Variants in DCC observed in about 807,000 individuals in gnomAD.
DCC encodes the protein DCC netrin 1 receptor, also known as netrin receptor DCC.
A neutral mutation model predicts 172.5 loss-of-function variants in DCC; 58 were observed. The observed-to-expected ratio is 0.34, with a 90% CI of 0.27 to 0.42. The LOEUF is 0.42. Among genes scored for constraint, DCC ranks in the 10% least tolerant of loss-of-function variants. The probability of loss-of-function intolerance (pLI) is 1.00; values close to 1 mark genes in which losing one functional copy is unlikely to be tolerated. For synonymous variants in DCC, 709 were observed against 644.5 expected (o/e 1.10, Z -1.52); for missense variants, 1,740 against 1,791.0 (o/e 0.97, Z 0.51).
intron 1 of DCC, among the ~76,000 whole-genome samples, chr18:52,591,359 A>G (rs1598938160): frequency 6.6e-6 from 1 of 152,304 alleles, no homozygotes; most frequent in East Asian, 1.9e-4. Flanking sequence ...AAATTAAACA[A>G]TGTCATTTTG....
At chr18:52,552,786 T>C (rs1248528193) in intron 1 of DCC, among the ~76,000 whole-genome samples, 1 of 152,052 alleles carries the variant, frequency 6.6e-6, no homozygotes, top group South Asian at 2.1e-4. Flanking sequence ...ATAATTCTAA[T>C]TGACATGTGT....
At chr18:52,393,900 G>T (rs1986120910) in intron 1 of DCC, among the ~76,000 whole-genome samples, 2 of 151,988 alleles carry the variant, frequency 1.3e-5, no homozygotes, top group Admixed American at 6.6e-5. Flanking sequence ...TTCAGATTCA[G>T]GTTCCATGAT....
At chr18:52,834,131 C>G (rs146685239) in intron 2 of DCC, among the ~76,000 whole-genome samples, 1 of 152,234 alleles carries the variant, frequency 6.6e-6, no homozygotes, top group African/African-American at 2.4e-5. Flanking sequence ...TCCGGCTTGG[C>G]AATTGTTGTA....
At chr18:53,099,307 G>A (rs1414864644) in intron 7 of DCC, among the ~76,000 whole-genome samples, 1 of 151,916 alleles carries the variant, frequency 6.6e-6, no homozygotes. Context: ...GTTATTACCT[G>A]TTATTATCAT....
chr18:53,341,408 G>C lies in DCC; in HGVS notation c.2359+1501G>C, dbSNP rs1314472812. 2.6e-5 allele frequency among the ~76,000 whole-genome samples: 4 copies of C among 152,058 alleles called. No individual in the cohort carries two copies. The East Asian group carries it at 7.7e-4, about 29-fold the overall frequency. ...TTGACGCATTTGGGAGATTAACGTT[G>C]GCAAATCTCCCCAAATGCTTAACAA... On this transcript the variant is annotated intron_variant, in intron 15 of 28. Transcript: ENST00000442544.
At chr18:53,512,670 G>T (rs1300130189) in intron 27 of DCC, among the ~76,000 whole-genome samples, 4 of 151,992 alleles carry the variant, frequency 2.6e-5, no homozygotes, top group Non-Finnish European at 5.9e-5. Flanking sequence ...GAATGCAGAA[G>T]CCTCAGGAGC....
At chr18:52,998,205 A>T (rs889581507) in intron 5 of DCC, among the ~76,000 whole-genome samples, 7 of 152,062 alleles carry the variant, frequency 4.6e-5, no homozygotes, top group African/African-American at 1.7e-4. Context: ...GGAATAGAAT[A>T]TTTCCATCAC....
At chr18:53,067,054 C>T (rs1468856056) in intron 7 of DCC, among the ~76,000 whole-genome samples, 2 of 152,144 alleles carry the variant, frequency 1.3e-5, no homozygotes, top group Non-Finnish European at 2.9e-5. Context: ...CACCCCCAAC[C>T]AGGCCCCACC....
chr18:52,907,664 C>T (rs766148685), intron 3 of DCC, among the ~76,000 whole-genome samples: 2 of 152,156 alleles, frequency 1.3e-5, no homozygotes, highest in Non-Finnish European at 2.9e-5. Context: ...AATCTGCCTG[C>T]CTCAGCCTCC....
chr18:52,575,339 GAGA>G (rs1314475116), intron 1 of DCC, among the ~76,000 whole-genome samples: 2 of 152,160 alleles, frequency 1.3e-5, no homozygotes, highest in Non-Finnish European at 2.9e-5. Context: ...AAGTGATACT[GAGA>G]AGAAGTGCTA....
intron 1 of DCC, among the ~76,000 whole-genome samples, chr18:52,554,161 A>G (rs1384486656): frequency 1.3e-5 from 2 of 152,124 alleles, no homozygotes; most frequent in African/African-American, 4.8e-5. Context: ...ATCACAAAGT[A>G]GAAATGGCCT....
chr18:52,454,346 T>A lies in DCC; in HGVS notation c.91+113468T>A, dbSNP rs538831619. On this transcript the variant is annotated intron_variant, in intron 1 of 28. Coordinates refer to ENST00000442544, the MANE Select transcript of DCC (RefSeq NM_005215.4). Reference sequence around the variant, plus strand: ...CACATGACTTAGTGCCCACAAAAAATCCCTCAGGATAACTTTTTTAAGTAG... The same window carrying A: ...CACATGACTTAGTGCCCACAAAAAAACCCTCAGGATAACTTTTTTAAGTAG... Among the ~76,000 whole-genome samples the A allele has an allele frequency of 2.6e-5, 4 of 152,204 alleles. No individual in the cohort carries two copies. In the South Asian group the frequency reaches 8.3e-4, roughly 32 times the overall value.
intron 1 of DCC, among the ~76,000 whole-genome samples, chr18:52,407,791 A>T (rs1986703709): frequency 6.6e-6 from 1 of 151,886 alleles, no homozygotes; most frequent in South Asian, 2.1e-4. Flanking sequence ...TCTATTTCTA[A>T]GCTAGCAGTT....
At chr18:53,376,578 G>A (rs570771655) in intron 15 of DCC, among the ~76,000 whole-genome samples, 2 of 152,194 alleles carry the variant, frequency 1.3e-5, no homozygotes, top group African/African-American at 2.4e-5. Flanking sequence ...AGTTAATTCA[G>A]TGGTAACAAT....
chr18:53,446,898 G>A (rs1912646095), intron 22 of DCC, among the ~76,000 whole-genome samples: 1 of 152,112 alleles, frequency 6.6e-6, no homozygotes, highest in South Asian at 2.1e-4. Context: ...ATGTAGTGCT[G>A]AAGTGCTTTC....
intron 24 of DCC, among the ~76,000 whole-genome samples, chr18:53,464,251 T>C (rs995531901): frequency 9.9e-5 from 15 of 152,240 alleles, no homozygotes; most frequent in African/African-American, 1.9e-4. Flanking sequence ...CACAGGATTA[T>C]GTTACTTAGC....
At chr18:53,314,859 A>G (rs1347985055) in intron 13 of DCC, among the ~76,000 whole-genome samples, 1 of 152,152 alleles carries the variant, frequency 6.6e-6, no homozygotes, top group African/African-American at 2.4e-5. Context: ...GAGCTCCCCT[A>G]CTGTATATGG....
intron 1 of DCC, among the ~76,000 whole-genome samples, chr18:52,637,399 A>G (rs1353450564): frequency 1.3e-5 from 2 of 152,198 alleles, no homozygotes; most frequent in Admixed American, 1.3e-4. Context: ...AGCCAAATGC[A>G]AGGAAATCCA....
At chr18:53,040,862 G>T (rs77640420) in intron 5 of DCC, among the ~76,000 whole-genome samples, 3,681 of 151,968 alleles carry the variant, frequency 0.024, 59 homozygotes, top group Middle Eastern at 0.058. Context: ...GGTCAGGATT[G>T]AATATAATGG....
Sources: allele counts gnomAD v4.1 joint callset (sites outside exome capture counted in the v4.1 genomes callset), GRCh38; gene constraint gnomAD v4.1.1; transcripts MANE v1.5; gene names NCBI Gene and HGNC (gene_info 2026-07-23, HGNC 2026-07-21).